OPCML: variants seen among roughly 807,000 people sequenced by gnomAD.
OPCML encodes opioid binding protein/cell adhesion molecule like.
Under a neutral mutation model 37.8 loss-of-function variants are expected in OPCML, and 13 were observed. The ratio of observed to expected loss-of-function variants is 0.34; its 90% CI spans 0.22 to 0.55. The LOEUF is 0.55. OPCML is among the 20% of genes least tolerant of loss of function. OPCML has a pLI of 0.91. For missense variants in OPCML, 341 were observed against 435.6 expected (o/e 0.78, Z 1.93); for synonymous variants, 176 against 168.8 (o/e 1.04, Z -0.33).
At chr11:132,480,244 C>A (rs572756722) in intron 4 of OPCML, among the ~76,000 whole-genome samples, 1 of 152,048 alleles carries the variant, frequency 6.6e-6, no homozygotes, top group South Asian at 2.1e-4. Context: ...GGAGCCGATG[C>A]AATCAACTGG....
intron 4 of OPCML, among the ~76,000 whole-genome samples, chr11:132,453,279 C>T (rs567917127): frequency 6.6e-6 from 1 of 152,170 alleles, no homozygotes; most frequent in African/African-American, 2.4e-5. Context: ...TACTACATTG[C>T]ACAGGACAGT....
chr11:132,601,486 T>C (rs1937893325), intron 3 of OPCML, among the ~76,000 whole-genome samples: 1 of 152,224 alleles, frequency 6.6e-6, no homozygotes, highest in South Asian at 2.1e-4. Context: ...GAATATTATA[T>C]CCACGCTACC....
At chr11:133,001,619 A>T (rs936098089) in intron 1 of OPCML, among the ~76,000 whole-genome samples, 4 of 152,232 alleles carry the variant, frequency 2.6e-5, no homozygotes, top group Admixed American at 6.5e-5. Context: ...TCACATATTC[A>T]GAGGGACCAA....
At chr11:133,462,670 C>A (rs73039053) in intron 1 of OPCML, among the ~76,000 whole-genome samples, 1 of 151,834 alleles carries the variant, frequency 6.6e-6, no homozygotes, top group Non-Finnish European at 1.5e-5. Context: ...TATTAAAATA[C>A]CAGAGAATAA....
chr11:133,531,201 T>C (rs1948598847), intron 1 of OPCML, among the ~76,000 whole-genome samples: 1 of 152,236 alleles, frequency 6.6e-6, no homozygotes, highest in African/African-American at 2.4e-5. Context: ...GTTTGAAAGA[T>C]GCCTGCAGGC....
At chr11:133,413,407 A>T in intron 1 of OPCML, among the ~76,000 whole-genome samples, 1 of 152,106 alleles carries the variant, frequency 6.6e-6, no homozygotes, top group Non-Finnish European at 1.5e-5. Context: ...GCAGCACACC[A>T]GCATGGCACA....
intron 4 of OPCML, among the ~76,000 whole-genome samples, chr11:132,440,433 T>G (rs2096028691): frequency 6.6e-6 from 1 of 152,156 alleles, no homozygotes; most frequent in African/African-American, 2.4e-5. Context: ...CCTCCATGGC[T>G]GGGCCGGGGC....
intron 1 of OPCML, among the ~76,000 whole-genome samples, chr11:133,480,794 G>A (rs1287369849): frequency 6.6e-6 from 1 of 152,234 alleles, no homozygotes; most frequent in Non-Finnish European, 1.5e-5. Context: ...AGAGGATCAT[G>A]CAACATTTGT....
intron 3 of OPCML, 23 bp from the exon 4 acceptor site, chr11:132,529,209 A>G (rs999023392): frequency 1.3e-6 from 2 of 1,590,356 alleles, no homozygotes; most frequent in African/African-American, 2.7e-5. Flanking sequence ...AGGATAGAAG[A>G]AATACCTGAG....
At chr11:133,498,212 C>T (rs1050569103) in intron 1 of OPCML, among the ~76,000 whole-genome samples, 13 of 152,292 alleles carry the variant, frequency 8.5e-5, no homozygotes, top group African/African-American at 2.6e-4. Context: ...CCAGAGTGAG[C>T]CCAGGTCTCT....
At chr11:132,634,983 C>G (rs889618024) in intron 3 of OPCML, among the ~76,000 whole-genome samples, 1 of 151,946 alleles carries the variant, frequency 6.6e-6, no homozygotes, top group African/African-American at 2.4e-5. Flanking sequence ...GGAGCTCATG[C>G]TCCAAGAGGA....
chr11:132,553,352 C>A (rs1035574725), intron 3 of OPCML, among the ~76,000 whole-genome samples: 1 of 152,166 alleles, frequency 6.6e-6, no homozygotes, highest in African/African-American at 2.4e-5. Context: ...TGGCTGTTTG[C>A]CTTTCCCTGG....
At chr11:132,667,149 G>C (rs1942260615) in intron 2 of OPCML, among the ~76,000 whole-genome samples, 1 of 152,178 alleles carries the variant, frequency 6.6e-6, no homozygotes, top group African/African-American at 2.4e-5. Flanking sequence ...CAGAGGTAGA[G>C]GCAATTAGGT....
chr11:133,084,489 C>T (rs1001339242), intron 1 of OPCML, among the ~76,000 whole-genome samples: 3 of 152,180 alleles, frequency 2.0e-5, no homozygotes, highest in Non-Finnish European at 4.4e-5. Flanking sequence ...CAAATATTGA[C>T]GCAGGCATCT....
chr11:132,870,434 T>C (rs1302025204), intron 2 of OPCML, among the ~76,000 whole-genome samples: 1 of 152,122 alleles, frequency 6.6e-6, no homozygotes, highest in Non-Finnish European at 1.5e-5. Context: ...ACGGCCATTA[T>C]GGAAAACAGG....
At chr11:132,607,255 G>T (rs1247033641) in intron 3 of OPCML, among the ~76,000 whole-genome samples, 1 of 152,206 alleles carries the variant, frequency 6.6e-6, no homozygotes, top group African/African-American at 2.4e-5. Flanking sequence ...TGTCATTGCT[G>T]CCAGGGAAGA....
chr11:132,718,675 TC>T (rs1280906727), intron 2 of OPCML, among the ~76,000 whole-genome samples: 1 of 151,976 alleles, frequency 6.6e-6, no homozygotes, highest in African/African-American at 2.4e-5. Flanking sequence ...GCTTCTGGGG[TC>T]ATCCCAGTGA....
chr11:132,520,996 C>T (rs185247323), intron 4 of OPCML, among the ~76,000 whole-genome samples: 55 of 152,184 alleles, frequency 3.6e-4, no homozygotes, highest in African/African-American at 1.3e-3. Flanking sequence ...CTAATTAATA[C>T]TCCCACCAAC....
chr11:133,464,626 A>G (rs1308794773), intron 1 of OPCML, among the ~76,000 whole-genome samples: 1 of 152,152 alleles, frequency 6.6e-6, no homozygotes, highest in Non-Finnish European at 1.5e-5. Context: ...AGAAAGGCCC[A>G]CGGCAAGAAA....
Sources: allele counts gnomAD v4.1 joint callset (sites outside exome capture counted in the v4.1 genomes callset), GRCh38; gene constraint gnomAD v4.1.1; transcripts MANE v1.5; gene names NCBI Gene and HGNC (gene_info 2026-07-23, HGNC 2026-07-21).